SYT1: variants seen among roughly 807,000 people sequenced by gnomAD.
SYT1 encodes the protein synaptotagmin-1.
Under a neutral mutation model 44.8 loss-of-function variants are expected in SYT1, and 8 were observed. The observed-to-expected ratio is 0.18, with a 90% CI of 0.10 to 0.32. The LOEUF is 0.32. SYT1 is among the 10% of genes least tolerant of loss of function. SYT1 has a pLI of 1.00. For synonymous variants in SYT1, 154 were observed against 188.8 expected (o/e 0.82, Z 1.51); for missense variants, 286 against 509.3 (o/e 0.56, Z 4.22).
chr12:79,045,748 C>G (rs1436997220), intron 2 of SYT1: 9 of 152,198 alleles, frequency 5.9e-5, no homozygotes, highest in Admixed American at 5.9e-4. Flanking sequence ...AAAATGAAAT[C>G]AAATCCCCAC....
chr12:79,334,612 G>T (rs1213537537), intron 8 of SYT1, among the ~76,000 whole-genome samples: 1 of 152,172 alleles, frequency 6.6e-6, no homozygotes, highest in Non-Finnish European at 1.5e-5. Flanking sequence ...GAACATGCAC[G>T]CATCCGCTCT....
At chr12:79,080,697 AATTTTTAG>A (rs1876973308) in intron 3 of SYT1, among the ~76,000 whole-genome samples, 1 of 152,202 alleles carries the variant, frequency 6.6e-6, no homozygotes, top group Non-Finnish European at 1.5e-5. Flanking sequence ...TACACCAGAC[AATTTTTAG>A]ACTCTATTAT....
chr12:79,159,602 T>C (rs906056604), intron 3 of SYT1, among the ~76,000 whole-genome samples: 2 of 152,140 alleles, frequency 1.3e-5, no homozygotes, highest in Non-Finnish European at 2.9e-5. Context: ...AACTTTATCA[T>C]AGGTATGTAT....
chr12:79,129,445 G>A lies in SYT1; in HGVS notation c.-18+82083G>A, dbSNP rs550473547. Among the ~76,000 whole-genome samples, 3 of 152,238 alleles carry A rather than the reference G, an allele frequency of 2.0e-5. No individual in the cohort carries two copies. The South Asian group carries it at 6.2e-4, about 32-fold the overall frequency. On this transcript the variant is annotated intron_variant, in intron 3 of 10. Coordinates refer to ENST00000261205, the MANE Select transcript of SYT1 (RefSeq NM_005639.3). ...CTTTCCCTCATGGGTCTATGAAAGA[G>A]CACAGTCAAGCTGATAAAAGTTATA...
chr12:79,296,839 A>G (rs2138869420), intron 7 of SYT1, among the ~76,000 whole-genome samples: 1 of 152,308 alleles, frequency 6.6e-6, no homozygotes, highest in South Asian at 2.1e-4. Flanking sequence ...TTCCAGCCAT[A>G]TAATATCTCA....
At chr12:78,904,617 G>A (rs1875856655) in intron 1 of SYT1, among the ~76,000 whole-genome samples, 1 of 152,068 alleles carries the variant, frequency 6.6e-6, no homozygotes, top group African/African-American at 2.4e-5. Context: ...GAAAAGTGCT[G>A]CAAGATAATG....
intron 8 of SYT1, among the ~76,000 whole-genome samples, chr12:79,305,455 A>C (rs1565899736): frequency 6.6e-6 from 1 of 152,134 alleles, no homozygotes; most frequent in Non-Finnish European, 1.5e-5. Flanking sequence ...GTTCATCTTC[A>C]TTAAAGCTTA....
intron 2 of SYT1, among the ~76,000 whole-genome samples, chr12:79,041,036 G>A (rs1304360543): frequency 1.6e-3 from 236 of 151,860 alleles, no homozygotes; most frequent in African/African-American, 5.4e-3. Context: ...GCCTTGTAGT[G>A]TAGTTTGAAG....
At chr12:79,131,585 AATTTAAT>A (rs1259239372) in intron 3 of SYT1, among the ~76,000 whole-genome samples, 1 of 152,176 alleles carries the variant, frequency 6.6e-6, no homozygotes, top group Non-Finnish European at 1.5e-5. Context: ...TTTCATATAC[AATTTAAT>A]TAAGTTTTAA....
At chr12:79,271,116 A>G (rs1476350808) in intron 4 of SYT1, among the ~76,000 whole-genome samples, 3 of 152,116 alleles carry the variant, frequency 2.0e-5, no homozygotes, top group African/African-American at 4.8e-5. Context: ...AATACCAAAG[A>G]TTTTCCTTTT....
intron 7 of SYT1, among the ~76,000 whole-genome samples, chr12:79,298,294 A>G (rs1398949224): frequency 1.3e-5 from 2 of 152,272 alleles, no homozygotes; most frequent in African/African-American, 4.8e-5. Context: ...TGGAAAAAGG[A>G]TGATGCTTAC....
At chr12:78,931,978 A>G (rs1877783568) in intron 1 of SYT1, among the ~76,000 whole-genome samples, 1 of 135,750 alleles carries the variant, frequency 7.4e-6, no homozygotes, top group South Asian at 2.5e-4. Context: ...TGACATGACT[A>G]TCCTAAAGAT....
At chr12:78,989,230 T>C (rs1452844281) in intron 2 of SYT1, among the ~76,000 whole-genome samples, 5 of 152,104 alleles carry the variant, frequency 3.3e-5, no homozygotes, top group Non-Finnish European at 7.4e-5. Context: ...AGTTAAAATA[T>C]AGGAGGCTGG....
intron 3 of SYT1, among the ~76,000 whole-genome samples, chr12:79,088,655 T>C (rs1877551246): frequency 6.6e-6 from 1 of 151,980 alleles, no homozygotes; most frequent in African/African-American, 2.4e-5. Context: ...GAATTACTTA[T>C]GCACTCTGAA....
chr12:79,259,446 A>C (rs1877709384), intron 4 of SYT1, among the ~76,000 whole-genome samples: 1 of 152,228 alleles, frequency 6.6e-6, no homozygotes, highest in South Asian at 2.1e-4. Flanking sequence ...TGACAAAAGA[A>C]AAGAAGGCCG....
intron 3 of SYT1, among the ~76,000 whole-genome samples, chr12:79,113,995 T>A (rs1879148997): frequency 6.6e-6 from 1 of 152,168 alleles, no homozygotes; most frequent in Non-Finnish European, 1.5e-5. Context: ...ACAGGAAGCA[T>A]GACATATGTT....
At chr12:79,384,750 A>G (rs1884363156) in intron 9 of SYT1, among the ~76,000 whole-genome samples, 1 of 152,166 alleles carries the variant, frequency 6.6e-6, no homozygotes, top group African/African-American at 2.4e-5. Flanking sequence ...AGCAGAAAAC[A>G]AGAATGAAAG....
chr12:79,179,219 T>TAG (rs375324124), intron 3 of SYT1, among the ~76,000 whole-genome samples: 998 of 22,384 alleles, frequency 0.045, 68 homozygotes, highest in African/African-American at 0.078. Context: ...GATATAGATA[T>TAG]ATAGATATAG....
At chr12:79,195,018 T>A (rs1263407269) in intron 3 of SYT1, among the ~76,000 whole-genome samples, 1 of 152,188 alleles carries the variant, frequency 6.6e-6, no homozygotes, top group Non-Finnish European at 1.5e-5. Flanking sequence ...GAAGCCCTGA[T>A]TAAAACACAA....
Sources: gnomAD v4.1 joint callset for allele counts (sites outside exome capture counted in the v4.1 genomes callset) on GRCh38, gnomAD v4.1.1 for gene constraint, MANE v1.5 for transcripts, NCBI Gene and HGNC (gene_info 2026-07-23, HGNC 2026-07-21) for gene names.